The following DACH1 variants were observed in gnomAD, a reference collection of about 807,000 sequenced individuals.
The protein encoded by DACH1 is dachshund homolog 1.
In DACH1, 12 loss-of-function variants were observed where a neutral mutation model predicts 54.2. The ratio of observed to expected loss-of-function variants is 0.22; its 90% confidence interval spans 0.14 to 0.36. The LOEUF (loss-of-function observed/expected upper bound fraction) is 0.36. Among genes scored for constraint, DACH1 ranks in the 10% least tolerant of loss-of-function variants. The probability of loss-of-function intolerance (pLI) is 1.00; values close to 1 mark genes in which losing one functional copy is unlikely to be tolerated. For missense variants in DACH1, 805 were observed against 929.8 expected (o/e 0.87, Z 1.75); for synonymous variants, 386 against 366.2 (o/e 1.05, Z -0.62).
intron 1 of DACH1, among the ~76,000 whole-genome samples, chr13:71,714,867 G>A (rs1882895620): frequency 1.3e-5 from 2 of 152,040 alleles, no homozygotes; most frequent in Admixed American, 1.3e-4. Flanking sequence ...GGCAGAGAAA[G>A]TATTGGTCTA....
At chr13:71,662,873 T>C (rs996333969) in intron 2 of DACH1, among the ~76,000 whole-genome samples, 13 of 151,958 alleles carry the variant, frequency 8.6e-5, no homozygotes, top group Non-Finnish European at 1.6e-4. Context: ...AAATTTATAG[T>C]GCTGTTATGT....
chr13:71,625,458 G>C (rs971905351), intron 3 of DACH1, among the ~76,000 whole-genome samples: 1 of 151,988 alleles, frequency 6.6e-6, no homozygotes, highest in African/African-American at 2.4e-5. Flanking sequence ...CTGCAGGAAT[G>C]GTTAAAATTA....
intron 8 of DACH1, among the ~76,000 whole-genome samples, chr13:71,478,509 CATAAA>C (rs1210158862): frequency 6.6e-6 from 1 of 152,102 alleles, no homozygotes; most frequent in Non-Finnish European, 1.5e-5. Flanking sequence ...CAAATTCATA[CATAAA>C]ATAAACATGC....
chr13:71,712,809 A>G (rs1882783987), intron 1 of DACH1, among the ~76,000 whole-genome samples: 1 of 152,138 alleles, frequency 6.6e-6, no homozygotes, highest in African/African-American at 2.4e-5. Context: ...TACCCCCCAA[A>G]AAATCAATAA....
At chr13:71,506,510 C>A (rs943608083) in intron 6 of DACH1, among the ~76,000 whole-genome samples, 1 of 151,768 alleles carries the variant, frequency 6.6e-6, no homozygotes, top group Non-Finnish European at 1.5e-5. Flanking sequence ...TATATATGTG[C>A]CACACTTTCT....
chr13:71,662,665 ATATGC>A (rs1879585804), intron 2 of DACH1, among the ~76,000 whole-genome samples: 1 of 152,012 alleles, frequency 6.6e-6, no homozygotes, highest in African/African-American at 2.4e-5. Flanking sequence ...CAGCCACATT[ATATGC>A]TTTGTAATAC....
intron 1 of DACH1, among the ~76,000 whole-genome samples, chr13:71,722,238 CT>C (rs1184668681): frequency 2.6e-5 from 4 of 152,180 alleles, no homozygotes; most frequent in African/African-American, 9.7e-5. Context: ...TGTTTTCTTA[CT>C]AACTCCCTCC....
chr13:71,712,856 T>C (rs1234196091), intron 1 of DACH1, among the ~76,000 whole-genome samples: 1 of 152,232 alleles, frequency 6.6e-6, no homozygotes. Context: ...AAAATTTAAA[T>C]AACATTTAAA....
At chr13:71,823,381 A>C (rs188802563) in intron 1 of DACH1, among the ~76,000 whole-genome samples, 9 of 152,230 alleles carry the variant, frequency 5.9e-5, no homozygotes, top group African/African-American at 2.2e-4. Context: ...ATGATACTAA[A>C]AAATGACAAT....
intron 1 of DACH1, among the ~76,000 whole-genome samples, chr13:71,782,958 C>A (rs1296165959): frequency 6.6e-6 from 1 of 152,036 alleles, no homozygotes; most frequent in African/African-American, 2.4e-5. Context: ...GTCCCTCAAG[C>A]CATTATCACA....
intron 1 of DACH1, among the ~76,000 whole-genome samples, chr13:71,791,028 G>C (rs1594226461): frequency 6.6e-6 from 1 of 152,310 alleles, no homozygotes; most frequent in South Asian, 2.1e-4. Flanking sequence ...GAAATATCCA[G>C]TAACGAAACA....
At position 71,532,309 on chromosome 13, in the gene DACH1, T is replaced by C. The variant is rs141708896; in HGVS notation, c.1570+24715A>G. On this transcript the variant is annotated intron_variant, in intron 6 of 10. Transcript: ENST00000613252. Reference sequence around the variant, plus strand: ...TATATTTCCTATCTGTTTAAGAATTTAGTTGAATTTCAGAAATACTAGGGA... The same window carrying C: ...TATATTTCCTATCTGTTTAAGAATTCAGTTGAATTTCAGAAATACTAGGGA... Among the ~76,000 whole-genome samples the C allele has an allele frequency of 4.1e-3, 617 of 152,078 alleles. 4 individuals carry two copies. Among genetic ancestry groups the C allele is most frequent in the Non-Finnish European group, 6.9e-3 (468 of 67,858 alleles).
At chr13:71,464,479 T>C (rs1315353122) in intron 10 of DACH1, 1 of 329,446 alleles carries the variant, frequency 3.0e-6, no homozygotes, top group Non-Finnish European at 5.9e-6. Flanking sequence ...TTTATTTTAA[T>C]GAAGATGAGA....
At chr13:71,453,579 GA>G (rs1337941341) in intron 10 of DACH1, among the ~76,000 whole-genome samples, 4 of 151,774 alleles carry the variant, frequency 2.6e-5, no homozygotes, top group African/African-American at 7.2e-5. Context: ...AAGTTTGGAA[GA>G]AAAAAAACTC....
intron 6 of DACH1, among the ~76,000 whole-genome samples, chr13:71,536,838 A>T (rs1882841171): frequency 6.6e-6 from 1 of 152,066 alleles, no homozygotes; most frequent in South Asian, 2.1e-4. Context: ...ACACCACTTC[A>T]ATCAATCCAT....
At chr13:71,623,995 A>G (rs567672672) in intron 3 of DACH1, among the ~76,000 whole-genome samples, 1 of 152,076 alleles carries the variant, frequency 6.6e-6, no homozygotes, top group Non-Finnish European at 1.5e-5. Context: ...TGAAGTGCAC[A>G]TACTGTTTTA....
intron 3 of DACH1, chr13:71,573,505 T>TA: frequency 1.4e-6 from 1 of 707,004 alleles, no homozygotes; most frequent in Non-Finnish European, 2.6e-6. Flanking sequence ...GGGTGGGTTA[T>TA]AGAGGCCTGA....
Position 71,866,740 on chromosome 13 carries a change from C to T in DACH1, c.30G>A (p.Pro10=). 8 of 1,421,700 alleles carry T rather than the reference C, an allele frequency of 5.6e-6. No individual in the cohort carries two copies. Among genetic ancestry groups the T allele is most frequent in the Non-Finnish European group, 7.4e-6 (8 of 1,078,846 alleles). The allele number at this position is 1,421,700 out of a possible 1,614,324, so 88.1% of individuals were successfully genotyped here. A position where few individuals can be genotyped will look rare whatever the true frequency, so the allele number is the denominator to read the frequency against. Residue 10 remains proline, a synonymous_variant, in exon 1 of 11, where the codon CCG becomes CCA. Transcript: ENST00000613252. MAVPAALIP[P]TQLVPPQPPI... is the part of the protein sequence containing the mutation. ...GGGGTTGAGGGGGGACCAGCTGGGT[C>T]GGAGGGATCAAAGCCGCCGGCACTG...
At chr13:71,781,612 T>C (rs910006183) in intron 1 of DACH1, among the ~76,000 whole-genome samples, 1 of 152,000 alleles carries the variant, frequency 6.6e-6, no homozygotes, top group African/African-American at 2.4e-5. Context: ...TCTCCTGACC[T>C]CGTGATCCGC....
Sources: allele counts gnomAD v4.1 joint callset (sites outside exome capture counted in the v4.1 genomes callset), GRCh38; gene constraint gnomAD v4.1.1; transcripts MANE v1.5; gene names NCBI Gene and HGNC (gene_info 2026-07-23, HGNC 2026-07-21).